MSRA: variants seen among roughly 807,000 people sequenced by gnomAD.
MSRA encodes the protein mitochondrial peptide methionine sulfoxide reductase.
A neutral mutation model predicts 31.3 loss-of-function variants in MSRA; 54 were observed. That is an observed-to-expected ratio of 1.73 (90% CI 1.39 to 2.17). The LOEUF (loss-of-function observed/expected upper bound fraction) is 2.17, where lower values mean the gene tolerates loss of function less well. Ranked by LOEUF, MSRA falls within the 30% of genes most tolerant of loss-of-function variation. The probability of loss-of-function intolerance (pLI) is 0.00; values close to 1 mark genes in which losing one functional copy is unlikely to be tolerated. For synonymous variants in MSRA, 169 were observed against 116.5 expected (o/e 1.45, Z -2.90); for missense variants, 507 against 300.9 (o/e 1.69, Z -5.07).
chr8:10,305,222 A>G (rs545330534), intron 4 of MSRA, among the ~76,000 whole-genome samples: 42 of 152,238 alleles, frequency 2.8e-4, no homozygotes, highest in South Asian at 1.0e-3. Context: ...GCTGATGTCA[A>G]TGGTCTTACT....
At chr8:10,092,697 G>C (rs900093296) in intron 1 of MSRA, among the ~76,000 whole-genome samples, 5 of 151,770 alleles carry the variant, frequency 3.3e-5, no homozygotes, top group African/African-American at 1.2e-4. Context: ...GATGTCTGTT[G>C]GTACTAGTTG....
At chr8:10,271,211 A>C (rs1049070348) in intron 3 of MSRA, among the ~76,000 whole-genome samples, 3 of 152,198 alleles carry the variant, frequency 2.0e-5, no homozygotes, top group Non-Finnish European at 2.9e-5. Flanking sequence ...TGATACACAG[A>C]TGGCATATAG....
At chr8:10,366,391 A>C (rs1422210489) in intron 5 of MSRA, among the ~76,000 whole-genome samples, 1 of 152,248 alleles carries the variant, frequency 6.6e-6, no homozygotes, top group Non-Finnish European at 1.5e-5. Context: ...TGGGCAGGGC[A>C]CTGCGTGGCC....
chr8:10,303,629 G>A (rs900233100), intron 4 of MSRA, among the ~76,000 whole-genome samples: 2 of 152,156 alleles, frequency 1.3e-5, no homozygotes, highest in East Asian at 3.9e-4. Flanking sequence ...ACTGCCCCAG[G>A]ACCCCTCCAA....
intron 5 of MSRA, among the ~76,000 whole-genome samples, chr8:10,389,993 G>A (rs1211949776): frequency 6.6e-6 from 1 of 152,058 alleles, no homozygotes; most frequent in Non-Finnish European, 1.5e-5. Context: ...CCTGCCTTCT[G>A]CAGGTACCAG....
intron 1 of MSRA, among the ~76,000 whole-genome samples, chr8:10,064,532 G>A (rs975742957): frequency 1.3e-5 from 2 of 152,134 alleles, no homozygotes; most frequent in African/African-American, 4.8e-5. Flanking sequence ...AATGAAACAG[G>A]AAGAAATGTG....
chr8:10,233,203 G>A (rs1811639793), intron 2 of MSRA, among the ~76,000 whole-genome samples: 1 of 152,226 alleles, frequency 6.6e-6, no homozygotes, highest in Non-Finnish European at 1.5e-5. Flanking sequence ...CACTGCTGCA[G>A]CAGGGAACCC....
At chr8:10,207,797 A>C in intron 1 of MSRA, 36 bp from the exon 2 acceptor site, 1 of 1,580,116 alleles carries the variant, frequency 6.3e-7, no homozygotes, top group African/African-American at 1.4e-5. Flanking sequence ...TTAGAACTTT[A>C]CACTTAAACT....
At position 10,054,678 on chromosome 8, in the gene MSRA, A is replaced by C; in HGVS notation, c.142+20A>C. ...TAGCGGGTAAGCACTGGCCACACGG[A>C]AGGCGCGGGCGGCGACGCTGCGCAT... On this transcript the variant is annotated intron_variant, in intron 1 of 5. Coordinates refer to ENST00000317173, the MANE Select transcript of MSRA (RefSeq NM_012331.5). 1 of 1,494,538 alleles carries C rather than the reference A, an allele frequency of 6.7e-7. No homozygotes were observed. The highest frequency in any genetic ancestry group is 9.0e-7 in the Non-Finnish European group (1 of 1,114,650). 92.6% of individuals were successfully genotyped at this position (1,494,538 alleles called of 1,614,324 possible).
intron 3 of MSRA, among the ~76,000 whole-genome samples, chr8:10,284,276 C>A (rs1799814639): frequency 6.6e-6 from 1 of 152,148 alleles, no homozygotes; most frequent in South Asian, 2.1e-4. Context: ...GCAACCTCCA[C>A]CTCCCAGGTT....
rs373028757 is a variant in MSRA, at chr8:10,228,452, C to T, written c.212-16652C>T. Among the ~76,000 whole-genome samples, 25 of 152,238 alleles carry T rather than the reference C, an allele frequency of 1.6e-4. No individual in the cohort carries two copies. In the East Asian group the frequency reaches 1.9e-3, roughly 12 times the overall value. ...GCTCCATAAAATTATGCTCCCTTCC[C>T]GAGATCCACGTGAACTGCATGTCAT... On this transcript the variant is annotated intron_variant, in intron 2 of 5. Transcript: ENST00000317173.
At chr8:10,302,966 G>C (rs776626628) in intron 4 of MSRA, among the ~76,000 whole-genome samples, 4 of 152,210 alleles carry the variant, frequency 2.6e-5, no homozygotes, top group Non-Finnish European at 4.4e-5. Flanking sequence ...AGATTGCTTT[G>C]GTTCTGCAGG....
At chr8:10,142,684 A>T (rs1802815720) in intron 1 of MSRA, among the ~76,000 whole-genome samples, 1 of 152,182 alleles carries the variant, frequency 6.6e-6, no homozygotes, top group Non-Finnish European at 1.5e-5. Context: ...GTCCTCTGCA[A>T]TTGAAAGAAG....
intron 1 of MSRA, among the ~76,000 whole-genome samples, chr8:10,165,899 A>G (rs958789592): frequency 6.6e-6 from 1 of 152,186 alleles, no homozygotes; most frequent in African/African-American, 2.4e-5. Flanking sequence ...CACCTGTCTT[A>G]TACTGAGGAG....
At chr8:10,160,290 C>G (rs1003234202) in intron 1 of MSRA, among the ~76,000 whole-genome samples, 1 of 152,006 alleles carries the variant, frequency 6.6e-6, no homozygotes, top group African/African-American at 2.4e-5. Context: ...GTCAGGAGAT[C>G]AAAGACCATC....
chr8:10,259,857 C>T (rs568533111), intron 3 of MSRA, among the ~76,000 whole-genome samples: 2 of 152,328 alleles, frequency 1.3e-5, no homozygotes, highest in East Asian at 3.9e-4. Context: ...CGGTGCCACC[C>T]AGCTCGCTGG....
At chr8:10,056,282 C>T (rs554366739) in intron 1 of MSRA, among the ~76,000 whole-genome samples, 1 of 150,926 alleles carries the variant, frequency 6.6e-6, no homozygotes, top group Admixed American at 6.6e-5. Flanking sequence ...CAAGATGGAC[C>T]AAAATTTACT....
At chr8:10,382,146 T>C (rs10087341) in intron 5 of MSRA, among the ~76,000 whole-genome samples, 28,071 of 152,188 alleles carry the variant, frequency 0.18, 3,007 homozygotes, top group African/African-American at 0.3. Context: ...CTGTTGCAGC[T>C]GCAGGCCTTT....
intron 3 of MSRA, among the ~76,000 whole-genome samples, chr8:10,261,446 A>G (rs1798478990): frequency 6.6e-6 from 1 of 151,600 alleles, no homozygotes; most frequent in Non-Finnish European, 1.5e-5. Flanking sequence ...CTGTGATCCC[A>G]GCATTTTGGG....
Sources: gnomAD v4.1 joint callset for allele counts (sites outside exome capture counted in the v4.1 genomes callset) on GRCh38, gnomAD v4.1.1 for gene constraint, MANE v1.5 for transcripts, NCBI Gene and HGNC (gene_info 2026-07-23, HGNC 2026-07-21) for gene names.